PPM1G: variants seen among roughly 807,000 people sequenced by gnomAD.
The protein encoded by PPM1G is protein phosphatase, Mg2+/Mn2+ dependent 1G, also known as protein phosphatase 1G.
Under a neutral mutation model 59.4 loss-of-function variants are expected in PPM1G, and 12 were observed. The observed-to-expected ratio is 0.20, with a 90% CI of 0.13 to 0.33. The LOEUF (loss-of-function observed/expected upper bound fraction) is 0.33, where lower values mean the gene tolerates loss of function less well. Ranked by LOEUF, PPM1G falls within the 10% of genes least tolerant of loss-of-function variation. The pLI is 1.00. For missense variants in PPM1G, 392 were observed against 681.3 expected (o/e 0.58, Z 4.73); for synonymous variants, 245 against 251.9 (o/e 0.97, Z 0.26).
Position 27,385,071 on chromosome 2 carries a change from C to T in PPM1G, c.427G>A (p.Ala143Thr). 1 of 1,606,218 alleles carries T rather than the reference C, an allele frequency of 6.2e-7. No homozygotes were observed. The highest frequency in any genetic ancestry group is 8.5e-7 in the Non-Finnish European group (1 of 1,176,966). ...DEDDVDNEEA[A>T]LLHEEATMTI... Reference sequence around the variant, plus strand: ...ATGGTAGCCTCTTCATGCAGCAGTGCAGCCTCCTCATTGTCCACTGCAGGG... The same window carrying T: ...ATGGTAGCCTCTTCATGCAGCAGTGTAGCCTCCTCATTGTCCACTGCAGGG... The change falls in exon 5 of 10, where the codon GCA becomes ACA. Residue 143 changes from alanine (A) to threonine (T), a missense_variant. Ala to Thr is a moderately conservative substitution (Grantham distance 58). Coordinates refer to ENST00000344034, the MANE Select transcript of PPM1G (RefSeq NM_177983.3). The surrounding 1 kb of genome is among the most constrained non-coding windows in gnomAD (Gnocchi z 4.1).
At chr2:27,386,075 T>C (rs998414810) in intron 3 of PPM1G, 119 bp downstream of exon 3, 1 of 1,248,662 alleles carries the variant, frequency 8.0e-7, no homozygotes, top group Non-Finnish European at 1.1e-6. Context: ...AGGAACAGAA[T>C]TCTTCAAGAG....
chr2:27,396,590 G>A (rs1331092074), intron 1 of PPM1G, among the ~76,000 whole-genome samples: 6 of 151,950 alleles, frequency 3.9e-5, no homozygotes, highest in Non-Finnish European at 8.8e-5. Context: ...CGAGGCGGGC[G>A]GATCACTTGA....
chr2:27,402,938 A>T (rs546320756), intron 1 of PPM1G, among the ~76,000 whole-genome samples: 3 of 149,842 alleles, frequency 2.0e-5, no homozygotes, highest in African/African-American at 7.4e-5. Context: ...AAAAAAAATT[A>T]GCCAGTCATG....
chr2:27,409,184 C>T (rs1663453699), intron 1 of PPM1G, 119 bp downstream of exon 1: 2 of 1,362,938 alleles, frequency 1.5e-6, no homozygotes, highest in Non-Finnish European at 1.9e-6. Flanking sequence ...CGCAAACGGC[C>T]GCTGCGGCCG....
chr2:27,408,008 T>C (rs1663421320), intron 1 of PPM1G, among the ~76,000 whole-genome samples: 1 of 151,726 alleles, frequency 6.6e-6, no homozygotes, highest in African/African-American at 2.4e-5. Flanking sequence ...GATCGCGCCA[T>C]TGCATTCCAG....
At position 27,384,987 on chromosome 2, in the gene PPM1G, T is replaced by C. The variant is rs1683728470; in HGVS notation, c.511A>G (p.Ser171Gly). The C allele has an allele frequency of 6.2e-7, 1 of 1,614,106 alleles. No homozygotes were observed. Among genetic ancestry groups the C allele is most frequent in the Non-Finnish European group, 8.5e-7 (1 of 1,180,056 alleles). ...TCGCCTGTCCCACCTCCAGATTTGCTGTGGGGAGGGCCCTTGTGACAGTTC... is the reference window on the plus strand; with the variant it reads ...TCGCCTGTCCCACCTCCAGATTTGCCGTGGGGAGGGCCCTTGTGACAGTTC... ...GQNCHKGPPHSKSGGGTGEEP... is the reference protein window; with the variant it reads ...GQNCHKGPPHGKSGGGTGEEP... The change falls in exon 5 of 10, where the codon AGC becomes GGC. Residue 171 changes from serine to glycine, a missense_variant. This residue lies in a region of PPM1G where 188 missense variants were observed against 248.8 expected (regional missense o/e 0.76). Transcript: ENST00000344034. The surrounding 1 kb of genome is among the most constrained non-coding windows in gnomAD (Gnocchi z 4.8).
At chr2:27,399,950 CAAAA>C (rs56786173) in intron 1 of PPM1G, among the ~76,000 whole-genome samples, 5 of 107,134 alleles carry the variant, frequency 4.7e-5, no homozygotes, top group African/African-American at 1.8e-4. Flanking sequence ...TTTATAATAG[CAAAA>C]AAAAAAAAAA....
Position 27,382,037 on chromosome 2 carries a change from G to C in PPM1G, c.1434+89C>G. 7.7e-7 allele frequency: 1 copy of C among 1,298,940 alleles called. No individual in the cohort carries two copies. Among genetic ancestry groups the C allele is most frequent in the Non-Finnish European group, 1.1e-6 (1 of 903,086 alleles). 80.5% of individuals were successfully genotyped at this position (1,298,940 alleles called of 1,614,324 possible). A position where few individuals can be genotyped will look rare whatever the true frequency, so the allele number is the denominator to read the frequency against. On this transcript the variant is annotated intron_variant, in intron 9 of 9. Transcript: ENST00000344034. The surrounding 1 kb of genome is among the most constrained non-coding windows in gnomAD (Gnocchi z 4.2). Reference sequence around the variant, plus strand: ...GCGTCTGTCAGCAATTACTGATAATGCTCCCAGATTGCCGACTTAGCTCAG... The same window carrying C: ...GCGTCTGTCAGCAATTACTGATAATCCTCCCAGATTGCCGACTTAGCTCAG...
rs1683614192 is a variant in PPM1G at position 27,381,208 on chromosome 2, G to A, written c.*391C>T. Reference sequence around the variant, plus strand: ...GACACGATGCGTACGATTAGGTTTTGGCCTTTAGTCTGAAAAAGTGTTGAT... The same window carrying A: ...GACACGATGCGTACGATTAGGTTTTAGCCTTTAGTCTGAAAAAGTGTTGAT... On this transcript the variant is annotated 3_prime_UTR_variant, in exon 10 of 10. Transcript: ENST00000344034. 1 of 301,326 alleles carries A rather than the reference G, an allele frequency of 3.3e-6. No homozygotes were observed. The highest frequency in any genetic ancestry group is 4.7e-5 in the Admixed American group (1 of 21,152). 18.7% of individuals were successfully genotyped at this position (301,326 alleles called of 1,614,324 possible).
chr2:27,381,439 T>C lies in PPM1G; in HGVS notation c.*160A>G, dbSNP rs996129300. 7 of 731,742 alleles carry C rather than the reference T, an allele frequency of 9.6e-6. No homozygotes were observed. Among genetic ancestry groups the C allele is most frequent in the East Asian group, 2.7e-5 (1 of 37,152 alleles). 45.3% of individuals were successfully genotyped at this position (731,742 alleles called of 1,614,324 possible). ...GGACAGCAGAGGCTCCCGGCTGCAG[T>C]GTGGAGGGAGAGCCCTCTTTGGAAT... On this transcript the variant is annotated 3_prime_UTR_variant, in exon 10 of 10. Coordinates refer to ENST00000344034, the MANE Select transcript of PPM1G (RefSeq NM_177983.3).
Position 27,409,584 on chromosome 2 carries a change from G to A in PPM1G, c.-162C>T, listed in dbSNP as rs1373866796. 8 of 901,614 alleles carry A rather than the reference G, an allele frequency of 8.9e-6. No individual in the cohort carries two copies. Among genetic ancestry groups the A allele is most frequent in the East Asian group, 3.5e-5 (1 of 28,496 alleles). 55.9% of individuals were successfully genotyped at this position (901,614 alleles called of 1,614,324 possible). A position where few individuals can be genotyped will look rare whatever the true frequency, so the allele number is the denominator to read the frequency against. ...CCGGCCAGGAGGCGGTAACGGGACG[G>A]GAGCTGTGAGGGAGCGGAAGCGGAA... On this transcript the variant is annotated 5_prime_UTR_variant, in exon 1 of 10. Transcript: ENST00000344034.
chr2:27,395,840 CAA>C (rs1048753961), intron 1 of PPM1G, among the ~76,000 whole-genome samples: 8 of 57,108 alleles, frequency 1.4e-4, no homozygotes, highest in Middle Eastern at 0.017. Flanking sequence ...AAGACCGTCT[CAA>C]AAAAAAAAAA....
chr2:27,381,467 G>T lies in PPM1G; in HGVS notation c.*132C>A. 1 of 979,360 alleles carries T rather than the reference G, an allele frequency of 1.0e-6. No individual in the cohort carries two copies. Among genetic ancestry groups the T allele is most frequent in the Non-Finnish European group, 1.6e-6 (1 of 639,272 alleles). The allele number at this position is 979,360 out of a possible 1,614,324, so 60.7% of individuals were successfully genotyped here. A position where few individuals can be genotyped will look rare whatever the true frequency, so the allele number is the denominator to read the frequency against. On this transcript the variant is annotated 3_prime_UTR_variant, in exon 10 of 10. Coordinates refer to ENST00000344034, the MANE Select transcript of PPM1G (RefSeq NM_177983.3). ...GGAGGGAGAGCCCTCTTTGGAATGG[G>T]CGGAGTGAAGCCACCCAGCTCCCCC...
intron 1 of PPM1G, among the ~76,000 whole-genome samples, chr2:27,401,496 CTGAT>C (rs1232933310): frequency 6.6e-6 from 1 of 152,112 alleles, no homozygotes; most frequent in African/African-American, 2.4e-5. Context: ...GGTTCTAAAA[CTGAT>C]TGTGGTGACA....
At chr2:27,387,026 C>A (rs887578259) in intron 2 of PPM1G, 63 bp downstream of exon 2, 2 of 1,331,024 alleles carry the variant, frequency 1.5e-6, no homozygotes, top group South Asian at 1.2e-5. Flanking sequence ...GGGACCTGTT[C>A]TTGCCCTGGA....
intron 1 of PPM1G, among the ~76,000 whole-genome samples, chr2:27,403,490 C>T (rs1175246088): frequency 6.6e-6 from 1 of 152,158 alleles, no homozygotes; most frequent in Non-Finnish European, 1.5e-5. Context: ...CATGGGCATA[C>T]ATGTGATATA....
chr2:27,397,932 A>C (rs1275493463), intron 1 of PPM1G, among the ~76,000 whole-genome samples: 1 of 152,140 alleles, frequency 6.6e-6, no homozygotes, highest in African/African-American at 2.4e-5. Flanking sequence ...AACCTGATAG[A>C]GTACATCTAT....
At position 27,384,601 on chromosome 2, in the gene PPM1G, G is replaced by A; in HGVS notation, c.825+72C>T. On this transcript the variant is annotated intron_variant, in intron 5 of 9. Transcript: ENST00000344034. This position sits in a 1 kb window ranked among gnomAD's most constrained non-coding sequence, Gnocchi z 4.8. Reference sequence around the variant, plus strand: ...CAAAATAGGAGAAGGAAAGAGAGTTGAAAACTACAGACGGCAACCAAACAG... The same window carrying A: ...CAAAATAGGAGAAGGAAAGAGAGTTAAAAACTACAGACGGCAACCAAACAG... 6.7e-7 allele frequency: 1 copy of A among 1,502,872 alleles called. No individual in the cohort carries two copies. Among genetic ancestry groups the A allele is most frequent in the Non-Finnish European group, 8.9e-7 (1 of 1,120,520 alleles). The allele number at this position is 1,502,872 out of a possible 1,614,324, so 93.1% of individuals were successfully genotyped here.
At position 27,385,743 on chromosome 2, in the gene PPM1G, T is replaced by G. The variant is rs1222337467; in HGVS notation, c.409+4A>C. On this transcript the variant is annotated splice_donor_region_variant and intron_variant, in intron 4 of 9. Coordinates refer to ENST00000344034, the MANE Select transcript of PPM1G (RefSeq NM_177983.3). This position sits in a 1 kb window ranked among gnomAD's most constrained non-coding sequence, Gnocchi z 4.1. ...TCCCCTCAAACAAGGGATGCCACAC[T>G]CACCATCATCTTCATCAGCTACTTT... 1.9e-6 allele frequency: 3 copies of G among 1,609,660 alleles called. No homozygotes were observed.
Sources: gnomAD v4.1 joint callset for allele counts (sites outside exome capture counted in the v4.1 genomes callset) on GRCh38, gnomAD v4.1.1 for gene constraint, gnomAD v4.1.1 regional missense constraint, Gnocchi (gnomAD v3.1) non-coding constraint, MANE v1.5 for transcripts, NCBI Gene and HGNC (gene_info 2026-07-23, HGNC 2026-07-21) for gene names.